Variants in OSBPL10 observed in about 807,000 individuals in gnomAD.
OSBPL10 encodes the protein oxysterol binding protein like 10.
Under a neutral mutation model 81.7 loss-of-function variants are expected in OSBPL10, and 49 were observed. The ratio of observed to expected loss-of-function variants is 0.60; its 90% CI spans 0.48 to 0.76. OSBPL10 has a LOEUF of 0.76. OSBPL10 is among the 30% of genes least tolerant of loss of function. The pLI is 0.00. For missense variants in OSBPL10, 923 were observed against 987.8 expected (o/e 0.93, Z 0.88); for synonymous variants, 419 against 383.6 (o/e 1.09, Z -1.08).
chr3:31,893,077 G>A (rs2125662146), intron 1 of OSBPL10, among the ~76,000 whole-genome samples: 1 of 152,288 alleles, frequency 6.6e-6, no homozygotes, highest in South Asian at 2.1e-4. Context: ...AGCCTGAAAT[G>A]TTAATGTGCT....
Position 31,927,826 on chromosome 3 carries a change from G to A in OSBPL10, c.282-47996C>T, listed in dbSNP as rs187584609. The stretch of plus-strand genomic sequence containing the variant: ...AAAGAGGCTGAGTGAATAATTGTGG[G>A]GTTCTACCAGGCACAGAGTCTGTAG... On this transcript the variant is annotated intron_variant, in intron 1 of 11. Transcript: ENST00000396556. Among the ~76,000 whole-genome samples, 668 of 152,222 alleles carry A rather than the reference G, an allele frequency of 4.4e-3. 2 individuals carry two copies. The highest frequency in any genetic ancestry group is 6.9e-3 in the Non-Finnish European group (472 of 68,022).
intron 8 of OSBPL10, among the ~76,000 whole-genome samples, chr3:31,671,977 T>C (rs982713112): frequency 4.6e-5 from 7 of 152,120 alleles, no homozygotes; most frequent in South Asian, 2.1e-4. Context: ...TAGAGATGCA[T>C]ATTCTTGGCT....
intron 3 of OSBPL10, among the ~76,000 whole-genome samples, chr3:31,844,304 A>G (rs1487642049): frequency 6.6e-6 from 1 of 152,254 alleles, no homozygotes; most frequent in Non-Finnish European, 1.5e-5. Context: ...GAGGAATAAG[A>G]TTAATGCCTT....
chr3:31,993,014 CA>C (rs1454514063), intron 2 of OSBPL10, among the ~76,000 whole-genome samples: 3 of 151,584 alleles, frequency 2.0e-5, no homozygotes, highest in African/African-American at 4.8e-5. Flanking sequence ...AAAAAATAAA[CA>C]AATACTGAAA....
chr3:31,852,634 A>C (rs1464727446), intron 3 of OSBPL10, among the ~76,000 whole-genome samples: 1 of 152,000 alleles, frequency 6.6e-6, no homozygotes, highest in Admixed American at 6.5e-5. Context: ...GCTGGAGTGC[A>C]GTGGCATGCT....
chr3:31,753,741 G>A (rs1353611180), intron 4 of OSBPL10, among the ~76,000 whole-genome samples: 2 of 152,090 alleles, frequency 1.3e-5, no homozygotes, highest in Admixed American at 6.5e-5. Context: ...TTGCCTTGTT[G>A]TTTTCACTAA....
At chr3:31,753,039 T>C (rs1001310226) in intron 4 of OSBPL10, among the ~76,000 whole-genome samples, 1 of 152,184 alleles carries the variant, frequency 6.6e-6, no homozygotes, top group African/African-American at 2.4e-5. Context: ...CAAGATGGCC[T>C]TGGTTTGGCA....
chr3:31,851,608 T>A (rs911010870), intron 3 of OSBPL10, among the ~76,000 whole-genome samples: 1 of 152,222 alleles, frequency 6.6e-6, no homozygotes, highest in African/African-American at 2.4e-5. Context: ...CAAGAGAACA[T>A]TCTCCTCAAT....
intron 1 of OSBPL10, among the ~76,000 whole-genome samples, chr3:32,048,310 A>ATTTTT (rs71068027): frequency 0.013 from 1,705 of 134,426 alleles, 48 homozygotes; most frequent in East Asian, 0.051. Flanking sequence ...CACTACTACT[A>ATTTTT]TTTTTTTTTT....
chr3:31,673,358 T>C (rs771627698), intron 8 of OSBPL10, among the ~76,000 whole-genome samples: 1 of 152,158 alleles, frequency 6.6e-6, no homozygotes, highest in Non-Finnish European at 1.5e-5. Flanking sequence ...AGGTAGAAAA[T>C]TGCAGCCAAT....
At chr3:31,663,516 A>G in intron 11 of OSBPL10, 2 of 998,574 alleles carry the variant, frequency 2.0e-6, no homozygotes, top group Non-Finnish European at 2.4e-6. Flanking sequence ...CCACTTGCCC[A>G]GATATTATTT....
chr3:31,902,567 T>C (rs1696279074), intron 1 of OSBPL10, among the ~76,000 whole-genome samples: 2 of 151,986 alleles, frequency 1.3e-5, no homozygotes, highest in Admixed American at 1.3e-4. Context: ...CCAGCCTTCC[T>C]GCCAGTGTTT....
At chr3:31,932,118 C>A (rs2125722600) in intron 1 of OSBPL10, among the ~76,000 whole-genome samples, 1 of 151,588 alleles carries the variant, frequency 6.6e-6, no homozygotes, top group South Asian at 2.1e-4. Flanking sequence ...TTATATTATA[C>A]CGAAAAATAA....
intron 6 of OSBPL10, among the ~76,000 whole-genome samples, chr3:31,709,548 T>C (rs1413079827): frequency 6.6e-6 from 1 of 151,978 alleles, no homozygotes; most frequent in East Asian, 1.9e-4. Flanking sequence ...CATTTCTGAT[T>C]AGAAACCAGA....
chr3:31,808,229 G>C (rs1304660756), intron 4 of OSBPL10, among the ~76,000 whole-genome samples: 1 of 152,140 alleles, frequency 6.6e-6, no homozygotes, highest in East Asian at 1.9e-4. Flanking sequence ...ACAGGAGGTT[G>C]GAGGGAAAGG....
At chr3:32,029,096 G>T (rs1278187063) in intron 2 of OSBPL10, among the ~76,000 whole-genome samples, 5 of 151,920 alleles carry the variant, frequency 3.3e-5, no homozygotes, top group African/African-American at 4.8e-5. Context: ...CTCATAATAG[G>T]TAACACCTGA....
chr3:32,027,092 C>A (rs914712809), intron 2 of OSBPL10, among the ~76,000 whole-genome samples: 4 of 151,698 alleles, frequency 2.6e-5, no homozygotes, highest in African/African-American at 7.3e-5. Flanking sequence ...AGGTTTGTTA[C>A]ATAGGTATAC....
At chr3:31,767,714 T>C (rs1348387031) in intron 4 of OSBPL10, among the ~76,000 whole-genome samples, 2 of 152,116 alleles carry the variant, frequency 1.3e-5, no homozygotes, top group Non-Finnish European at 2.9e-5. Context: ...TAATTAAGTG[T>C]TAAATGAACC....
chr3:31,756,515 T>G (rs551459058), intron 4 of OSBPL10, among the ~76,000 whole-genome samples: 179 of 152,322 alleles, frequency 1.2e-3, no homozygotes, highest in African/African-American at 3.9e-3. Flanking sequence ...GTTAACATTC[T>G]GGTATTATTC....
Sources: gnomAD v4.1 joint callset for allele counts (sites outside exome capture counted in the v4.1 genomes callset) on GRCh38, gnomAD v4.1.1 for gene constraint, MANE v1.5 for transcripts, NCBI Gene and HGNC (gene_info 2026-07-23, HGNC 2026-07-21) for gene names.